The following STK3 variants were observed in gnomAD, a reference collection of about 807,000 sequenced individuals.
STK3 encodes serine/threonine kinase 3.
In STK3, 41 loss-of-function variants were observed where a neutral mutation model predicts 58.0. The ratio of observed to expected loss-of-function variants is 0.71; its 90% CI spans 0.55 to 0.92. STK3 has a LOEUF of 0.92. STK3 is among the 40% of genes least tolerant of loss of function. STK3 has a pLI of 0.00. For missense variants in STK3, 479 were observed against 602.7 expected, an observed-to-expected ratio of 0.79 and a Z score of 2.15; for synonymous variants, 170 against 191.0, an observed-to-expected ratio of 0.89 and a Z score of 0.91.
chr8:98,406,006 G>C (rs1817989245), intron 3 of STK3, among the ~76,000 whole-genome samples: 1 of 152,124 alleles, frequency 6.6e-6, no homozygotes, highest in African/African-American at 2.4e-5. Flanking sequence ...GGTGACCCAG[G>C]TCAGTGTCAC....
rs184256733 is a variant in STK3, at chr8:98,763,140, G to A, written c.236+4103C>T. Reference sequence around the variant, plus strand: ...TTCTTCAGTGAAGAAAATGCCCCTAGAAGTACCTTCTTAGAGCAGGGTATG... The same window carrying A: ...TTCTTCAGTGAAGAAAATGCCCCTAAAAGTACCTTCTTAGAGCAGGGTATG... On this transcript the variant is annotated intron_variant, in intron 3 of 10. Coordinates refer to ENST00000419617, the MANE Select transcript of STK3 (RefSeq NM_006281.4). Among the ~76,000 whole-genome samples, 1,302 of 152,304 alleles carry A rather than the reference G, an allele frequency of 8.5e-3. 10 individuals are homozygous for A. Among genetic ancestry groups the A allele is most frequent in the African/African-American group, 0.029 (1,226 of 41,562 alleles).
chr8:98,817,869 G>A (rs1265353856), intron 1 of STK3, among the ~76,000 whole-genome samples: 1 of 151,804 alleles, frequency 6.6e-6, no homozygotes, highest in African/African-American at 2.4e-5. Flanking sequence ...CAGCCAAAAG[G>A]ATGTTTTAAA....
intron 1 of STK3, among the ~76,000 whole-genome samples, chr8:98,812,092 G>C (rs576596259): frequency 1.3e-5 from 2 of 152,246 alleles, no homozygotes; most frequent in Admixed American, 1.3e-4. Context: ...TTACAGGGGT[G>C]AGCCACCATG....
intron 3 of STK3, among the ~76,000 whole-genome samples, chr8:98,844,072 C>G (rs1312028065): frequency 6.6e-6 from 1 of 152,186 alleles, no homozygotes; most frequent in East Asian, 1.9e-4. Context: ...GGGAGAATCA[C>G]TTAAACCCAG....
chr8:98,491,103 T>C (rs1275802935), intron 10 of STK3, among the ~76,000 whole-genome samples: 1 of 152,014 alleles, frequency 6.6e-6, no homozygotes, highest in Non-Finnish European at 1.5e-5. Context: ...AAAGTAGCCA[T>C]TTATTACTGT....
At chr8:98,753,444 T>C in intron 3 of STK3, among the ~76,000 whole-genome samples, 1 of 151,612 alleles carries the variant, frequency 6.6e-6, no homozygotes, top group Admixed American at 6.6e-5. Flanking sequence ...ACACACAGAG[T>C]GAACAACACA....
chr8:98,869,845 T>TA (rs1837302947), intron 3 of STK3, among the ~76,000 whole-genome samples: 1 of 151,894 alleles, frequency 6.6e-6, no homozygotes, highest in Non-Finnish European at 1.5e-5. Flanking sequence ...TTTTTCTTTT[T>TA]TTTATTATTA....
intron 1 of STK3, among the ~76,000 whole-genome samples, chr8:98,929,189 C>T (rs1363376202): frequency 1.3e-5 from 2 of 152,268 alleles, no homozygotes. Flanking sequence ...TTGCTTGAAC[C>T]CGAGAGGCAG....
intron 10 of STK3, among the ~76,000 whole-genome samples, chr8:98,469,698 A>G (rs1037178566): frequency 3.3e-5 from 5 of 152,188 alleles, no homozygotes; most frequent in African/African-American, 1.2e-4. Context: ...AAATCTTCAC[A>G]TTTTTATTTT....
intron 8 of STK3, among the ~76,000 whole-genome samples, chr8:98,569,895 T>C (rs1366917247): frequency 4.0e-5 from 6 of 149,918 alleles, no homozygotes; most frequent in African/African-American, 1.5e-4. Flanking sequence ...TTACTGGTTT[T>C]CCTCAAAAAA....
chr8:98,598,480 A>G (rs555571570), intron 6 of STK3: 2 of 985,400 alleles, frequency 2.0e-6, no homozygotes, highest in South Asian at 4.7e-5. Context: ...CCACTATGCC[A>G]TTTATTTCCA....
intron 4 of STK3, among the ~76,000 whole-genome samples, chr8:98,711,455 G>A (rs1320550711): frequency 6.6e-6 from 1 of 152,188 alleles, no homozygotes; most frequent in Non-Finnish European, 1.5e-5. Flanking sequence ...TGATGGAGCT[G>A]AAAACCAAGG....
intron 1 of STK3, among the ~76,000 whole-genome samples, chr8:98,441,066 A>G (rs1038171534): frequency 6.6e-6 from 1 of 152,228 alleles, no homozygotes; most frequent in Non-Finnish European, 1.5e-5. Flanking sequence ...ACTAGAAGGT[A>G]GATATTTTAA....
chr8:98,518,149 A>G (rs1399111091), intron 10 of STK3, among the ~76,000 whole-genome samples: 2 of 152,070 alleles, frequency 1.3e-5, no homozygotes, highest in East Asian at 3.8e-4. Context: ...ATAAATTATA[A>G]CATGTTGACA....
rs528783170 is a variant in STK3, at chr8:98,569,910, A to T, written c.948+9754T>A. On this transcript the variant is annotated intron_variant, in intron 8 of 10. Coordinates refer to ENST00000419617, the MANE Select transcript of STK3 (RefSeq NM_006281.4). ...TTACTGGTTTTCCTCAAAAAAAAAA[A>T]ATATGTGTGTGTGTGTGTGTGTGTA... 7.4e-4 allele frequency among the ~76,000 whole-genome samples: 110 copies of T among 149,554 alleles called. 1 individual carries two copies. The highest frequency in any genetic ancestry group is 2.6e-3 in the African/African-American group (108 of 40,996).
intron 4 of STK3, among the ~76,000 whole-genome samples, chr8:98,716,626 G>A (rs1045470594): frequency 6.6e-6 from 1 of 152,060 alleles, no homozygotes; most frequent in African/African-American, 2.4e-5. Context: ...CAGATTCAAT[G>A]TAATCCCTAT....
At chr8:98,559,328 G>A (rs1173774099) in intron 8 of STK3, among the ~76,000 whole-genome samples, 3 of 152,128 alleles carry the variant, frequency 2.0e-5, no homozygotes, top group Non-Finnish European at 4.4e-5. Context: ...CTTGAGAAAT[G>A]TATAGTTTAA....
chr8:98,451,362 G>A (rs1386879639), downstream of STK3, among the ~76,000 whole-genome samples: 1 of 152,142 alleles, frequency 6.6e-6, no homozygotes, highest in Non-Finnish European at 1.5e-5. Flanking sequence ...AGTTCAGTTT[G>A]TTGGCGGAAA....
chr8:98,876,497 G>C (rs1837563716), intron 3 of STK3, among the ~76,000 whole-genome samples: 1 of 152,120 alleles, frequency 6.6e-6, no homozygotes, highest in South Asian at 2.1e-4. Context: ...AAGCTAACAA[G>C]CCAAGTAGTG....
Sources: allele counts gnomAD v4.1 joint callset (sites outside exome capture counted in the v4.1 genomes callset), GRCh38; gene constraint gnomAD v4.1.1; transcripts MANE v1.5; gene names NCBI Gene and HGNC (gene_info 2026-07-23, HGNC 2026-07-21).